Variants in CCDC73 observed in about 807,000 individuals in gnomAD.
CCDC73 encodes the protein coiled-coil domain-containing protein 73.
A neutral mutation model predicts 116.5 loss-of-function variants in CCDC73; 95 were observed. That is an observed-to-expected ratio of 0.82 (90% CI 0.69 to 0.97). The LOEUF is 0.97. Among genes scored for constraint, CCDC73 ranks in the 50% least tolerant of loss-of-function variants. The probability of loss-of-function intolerance (pLI) is 0.00; values close to 1 mark genes in which losing one functional copy is unlikely to be tolerated. For missense variants in CCDC73, 1,066 were observed against 1,206.8 expected (o/e 0.88, Z 1.73); for synonymous variants, 398 against 401.3 (o/e 0.99, Z 0.10).
Position 32,698,230 on chromosome 11 carries a change from T to C in CCDC73, c.390+1021A>G, listed in dbSNP as rs571746831. Among the ~76,000 whole-genome samples, 497 of 151,862 alleles carry C rather than the reference T, an allele frequency of 3.3e-3. 2 individuals are homozygous for C. The highest frequency in any genetic ancestry group is 0.02 in the South Asian group (97 of 4,802). On this transcript the variant is annotated intron_variant, in intron 6 of 17. Transcript: ENST00000335185. ...TAGTAGAGACGGGGTTTCACCGTGTTAGCCAGGATGGTCTCGATCTCCTGA... is the reference window on the plus strand; with the variant it reads ...TAGTAGAGACGGGGTTTCACCGTGTCAGCCAGGATGGTCTCGATCTCCTGA...
intron 2 of CCDC73, among the ~76,000 whole-genome samples, chr11:32,755,538 T>A (rs1404550429): frequency 3.2e-5 from 2 of 62,884 alleles, no homozygotes; most frequent in Admixed American, 1.8e-4. Context: ...CATCTCAAAA[T>A]ATATATATAT....
At chr11:32,736,145 C>G (rs1406839205) in intron 2 of CCDC73, among the ~76,000 whole-genome samples, 2 of 152,032 alleles carry the variant, frequency 1.3e-5, no homozygotes, top group Non-Finnish European at 2.9e-5. Flanking sequence ...GCAACAAAAG[C>G]CAACATTGAC....
At chr11:32,606,422 T>A (rs866397273) in intron 17 of CCDC73, among the ~76,000 whole-genome samples, 1 of 152,350 alleles carries the variant, frequency 6.6e-6, no homozygotes, top group Middle Eastern at 3.4e-3. Context: ...GGAATGGGTG[T>A]GACTGTGGTC....
chr11:32,747,986 G>C (rs1850255641), intron 2 of CCDC73, among the ~76,000 whole-genome samples: 1 of 152,156 alleles, frequency 6.6e-6, no homozygotes, highest in African/African-American at 2.4e-5. Context: ...AGATAAACCA[G>C]GTATCTCAGT....
chr11:32,632,698 C>T (rs1267315121), intron 14 of CCDC73, among the ~76,000 whole-genome samples: 1 of 151,896 alleles, frequency 6.6e-6, no homozygotes, highest in Non-Finnish European at 1.5e-5. Context: ...TTATCTTTCT[C>T]TTTTCAGTTC....
intron 9 of CCDC73, among the ~76,000 whole-genome samples, chr11:32,670,337 A>T (rs944714617): frequency 2.0e-5 from 3 of 152,124 alleles, no homozygotes; most frequent in African/African-American, 7.2e-5. Context: ...CCTGGTTAAC[A>T]CGGTGAAACC....
chr11:32,830,204 G>C, the CCDC73 span: 69 of 1,075,470 alleles, frequency 6.4e-5, no homozygotes, highest in Non-Finnish European at 7.4e-5. Context: ...ACCTCGGCGG[G>C]GAGGGGGTTA....
At chr11:32,603,045 CT>C in intron 17 of CCDC73, 25 bp from the exon 18 acceptor site, 2 of 1,540,810 alleles carry the variant, frequency 1.3e-6, no homozygotes, top group East Asian at 4.5e-5. Flanking sequence ...CTAATTTTAC[CT>C]TCGAAATTAT....
chr11:32,684,976 G>A (rs1271127041), intron 6 of CCDC73, among the ~76,000 whole-genome samples: 1 of 151,492 alleles, frequency 6.6e-6, no homozygotes, highest in Admixed American at 6.6e-5. Flanking sequence ...ATGAGACTCT[G>A]TCAAAAAAAA....
At chr11:32,696,968 T>A (rs564595245) in intron 6 of CCDC73, among the ~76,000 whole-genome samples, 29 of 151,384 alleles carry the variant, frequency 1.9e-4, no homozygotes, top group African/African-American at 6.5e-4. Context: ...TAGCTAAGAC[T>A]ACAGGTGCTC....
intron 14 of CCDC73, among the ~76,000 whole-genome samples, chr11:32,626,244 A>C (rs1424692213): frequency 6.6e-6 from 1 of 151,922 alleles, no homozygotes; most frequent in African/African-American, 2.4e-5. Flanking sequence ...AAAGAGAATA[A>C]AATACCTAGG....
chr11:32,721,572 A>G (rs1849989819), intron 2 of CCDC73, among the ~76,000 whole-genome samples: 1 of 152,046 alleles, frequency 6.6e-6, no homozygotes, highest in Non-Finnish European at 1.5e-5. Flanking sequence ...GTGCTTTTTA[A>G]ATGAAATATT....
chr11:32,702,803 T>C lies in CCDC73; in HGVS notation c.279+70A>G, dbSNP rs1849825534. Reference sequence around the variant, plus strand: ...GGTGACTATGGAGAACAGCTTGCCATAATATTCATAGGAGGGGGAGGAAAT... The same window carrying C: ...GGTGACTATGGAGAACAGCTTGCCACAATATTCATAGGAGGGGGAGGAAAT... On this transcript the variant is annotated intron_variant, in intron 4 of 17. Transcript: ENST00000335185. The C allele has an allele frequency of 1.6e-5, 17 of 1,042,366 alleles. No homozygotes were observed. In the South Asian group the frequency reaches 2.0e-4, roughly 12 times the overall value. The allele number at this position is 1,042,366 out of a possible 1,614,324, so 64.6% of individuals were successfully genotyped here.
upstream of CCDC73, among the ~76,000 whole-genome samples, chr11:32,795,395 T>A (rs11031987): frequency 6.7e-6 from 1 of 150,276 alleles, no homozygotes; most frequent in Admixed American, 6.7e-5. Context: ...AGATTGAGCC[T>A]GGGAGGTCAA....
chr11:32,749,963 C>T (rs550230328), intron 2 of CCDC73, among the ~76,000 whole-genome samples: 112 of 151,952 alleles, frequency 7.4e-4, no homozygotes, highest in East Asian at 1.2e-3. Flanking sequence ...CTCCACCTCC[C>T]GGGTTCAAGC....
intron 9 of CCDC73, among the ~76,000 whole-genome samples, chr11:32,655,790 G>A (rs1855866070): frequency 6.6e-6 from 1 of 152,180 alleles, no homozygotes; most frequent in Non-Finnish European, 1.5e-5. Flanking sequence ...AAATAACTCT[G>A]GCAGTGTTGT....
At chr11:32,635,230 A>G (rs1291327513) in intron 14 of CCDC73, among the ~76,000 whole-genome samples, 1 of 152,190 alleles carries the variant, frequency 6.6e-6, no homozygotes, top group Non-Finnish European at 1.5e-5. Context: ...TAAAAGTGAT[A>G]AGAAAATATA....
At chr11:32,777,013 AT>A (rs1565099370) in intron 1 of CCDC73, among the ~76,000 whole-genome samples, 6 of 130,264 alleles carry the variant, frequency 4.6e-5, no homozygotes, top group African/African-American at 1.4e-4. Context: ...ATATATATAT[AT>A]ATATATATAA....
chr11:32,774,956 G>C (rs997452574), intron 1 of CCDC73, among the ~76,000 whole-genome samples: 1 of 152,164 alleles, frequency 6.6e-6, no homozygotes, highest in African/African-American at 2.4e-5. Flanking sequence ...CCACAGGAAG[G>C]TTTTAAGGTG....
Sources: allele counts gnomAD v4.1 joint callset (sites outside exome capture counted in the v4.1 genomes callset), GRCh38; gene constraint gnomAD v4.1.1; transcripts MANE v1.5; gene names NCBI Gene and HGNC (gene_info 2026-07-23, HGNC 2026-07-21).